SPOCK1: variants seen among roughly 807,000 people sequenced by gnomAD.
The protein encoded by SPOCK1 is testican-1.
A neutral mutation model predicts 55.3 loss-of-function variants in SPOCK1; 23 were observed. The ratio of observed to expected loss-of-function variants is 0.42; its 90% CI spans 0.30 to 0.59. SPOCK1 has a LOEUF of 0.59. SPOCK1 is among the 20% of genes least tolerant of loss of function. The probability of loss-of-function intolerance (pLI) is 0.22; values close to 1 mark genes in which losing one functional copy is unlikely to be tolerated. For synonymous variants in SPOCK1, 226 were observed against 221.0 expected, an observed-to-expected ratio of 1.02 and a Z score of -0.20; for missense variants, 499 against 552.5, an observed-to-expected ratio of 0.90 and a Z score of 0.97.
At chr5:137,251,180 G>T (rs556301186) in intron 3 of SPOCK1, among the ~76,000 whole-genome samples, 1 of 152,144 alleles carries the variant, frequency 6.6e-6, no homozygotes, top group Non-Finnish European at 1.5e-5. Flanking sequence ...TGAGGGCCAC[G>T]CACTGCAAAC....
At chr5:137,301,636 C>CTTTTTTTTTTT (rs34828127) in intron 2 of SPOCK1, among the ~76,000 whole-genome samples, 2 of 129,798 alleles carry the variant, frequency 1.5e-5, no homozygotes, top group African/African-American at 5.9e-5. Flanking sequence ...ATTTCGTCTC[C>CTTTTTTTTTTT]TTTTTTTTTT....
At position 137,450,120 on chromosome 5, in the gene SPOCK1, T is replaced by C. The variant is rs553306479; in HGVS notation, c.186+48253A>G. Among the ~76,000 whole-genome samples, 4 of 152,260 alleles carry C rather than the reference T, an allele frequency of 2.6e-5. No individual in the cohort carries two copies. In the East Asian group the frequency reaches 7.7e-4, roughly 29 times the overall value. On this transcript the variant is annotated intron_variant, in intron 2 of 10. Coordinates refer to ENST00000394945, the MANE Select transcript of SPOCK1 (RefSeq NM_004598.4). ...AAAAGCCCAGGGAATCTTCAAGCTATAGCCTTGGGGGAGTGAGATGTTGAG... is the reference window on the plus strand; with the variant it reads ...AAAAGCCCAGGGAATCTTCAAGCTACAGCCTTGGGGGAGTGAGATGTTGAG...
intron 2 of SPOCK1, among the ~76,000 whole-genome samples, chr5:137,348,390 C>T (rs952098019): frequency 6.8e-6 from 1 of 147,528 alleles, no homozygotes; most frequent in South Asian, 2.2e-4. Flanking sequence ...AAGTGCATGA[C>T]CAAAATGGAA....
intron 4 of SPOCK1, among the ~76,000 whole-genome samples, chr5:137,129,304 C>G (rs1753831704): frequency 6.6e-6 from 1 of 152,228 alleles, no homozygotes; most frequent in African/African-American, 2.4e-5. Context: ...TTCCTCTCCT[C>G]TCTGCCTTGC....
chr5:137,020,731 C>T (rs925376135), intron 6 of SPOCK1, among the ~76,000 whole-genome samples: 5 of 151,320 alleles, frequency 3.3e-5, no homozygotes, highest in African/African-American at 1.2e-4. Context: ...AAAAGACAAC[C>T]CAATACAAAA....
chr5:137,054,259 C>T (rs1282107007), intron 6 of SPOCK1, among the ~76,000 whole-genome samples: 1 of 152,150 alleles, frequency 6.6e-6, no homozygotes, highest in Non-Finnish European at 1.5e-5. Flanking sequence ...TGCCCAAAGC[C>T]ACATAGCTAG....
At chr5:137,090,069 C>T (rs569123321) in intron 5 of SPOCK1, among the ~76,000 whole-genome samples, 3 of 152,202 alleles carry the variant, frequency 2.0e-5, no homozygotes, top group Middle Eastern at 3.4e-3. Flanking sequence ...CATGGAGATA[C>T]GGAATCAACT....
intron 2 of SPOCK1, among the ~76,000 whole-genome samples, chr5:137,283,307 G>A (rs370420231): frequency 3.3e-5 from 5 of 152,292 alleles, no homozygotes; most frequent in African/African-American, 1.2e-4. Context: ...TCACTCACAT[G>A]TTATAAGTGA....
intron 6 of SPOCK1, among the ~76,000 whole-genome samples, chr5:137,003,955 C>G (rs1348706440): frequency 6.6e-6 from 1 of 152,120 alleles, no homozygotes; most frequent in Non-Finnish European, 1.5e-5. Flanking sequence ...TGGGGAGGAT[C>G]AGGCATAGAC....
chr5:137,335,856 A>G (rs1290772176), intron 2 of SPOCK1, among the ~76,000 whole-genome samples: 2 of 152,236 alleles, frequency 1.3e-5, no homozygotes, highest in Non-Finnish European at 2.9e-5. Flanking sequence ...ACTGAACTAC[A>G]TTATAAAGCA....
chr5:137,214,926 C>A (rs982784649), intron 3 of SPOCK1, among the ~76,000 whole-genome samples: 6 of 152,108 alleles, frequency 3.9e-5, no homozygotes, highest in Admixed American at 3.9e-4. Context: ...CTCAATGTAA[C>A]CATTACAAGG....
intron 2 of SPOCK1, among the ~76,000 whole-genome samples, chr5:137,409,568 G>T (rs570690567): frequency 2.0e-5 from 3 of 152,182 alleles, no homozygotes; most frequent in Non-Finnish European, 4.4e-5. Context: ...TCCTAGGGTT[G>T]CCCATAAGGA....
At chr5:137,078,866 A>T (rs1752824972) in intron 5 of SPOCK1, among the ~76,000 whole-genome samples, 1 of 152,180 alleles carries the variant, frequency 6.6e-6, no homozygotes, top group Non-Finnish European at 1.5e-5. Flanking sequence ...ACCCTACCCC[A>T]GCTTACAACC....
At chr5:137,410,992 C>T (rs1426494512) in intron 2 of SPOCK1, among the ~76,000 whole-genome samples, 1 of 152,200 alleles carries the variant, frequency 6.6e-6, no homozygotes, top group Non-Finnish European at 1.5e-5. Flanking sequence ...TAGATAAACT[C>T]CAGAAGCAAG....
intron 2 of SPOCK1, among the ~76,000 whole-genome samples, chr5:137,290,917 G>A (rs149730464): frequency 2.6e-5 from 4 of 152,286 alleles, no homozygotes; most frequent in East Asian, 1.9e-4. Flanking sequence ...CATATTGATC[G>A]CTTACTAAGT....
intron 2 of SPOCK1, among the ~76,000 whole-genome samples, chr5:137,274,936 G>A (rs1757033558): frequency 6.6e-6 from 1 of 152,178 alleles, no homozygotes; most frequent in Non-Finnish European, 1.5e-5. Context: ...TTTGTGCATT[G>A]AGTGTGGCAT....
chr5:137,000,861 C>T (rs1356129445), intron 6 of SPOCK1, among the ~76,000 whole-genome samples: 1 of 151,996 alleles, frequency 6.6e-6, no homozygotes, highest in Non-Finnish European at 1.5e-5. Flanking sequence ...ATGGTGAAAC[C>T]CCATCTCTAC....
At chr5:137,249,979 G>C (rs1419925869) in intron 3 of SPOCK1, among the ~76,000 whole-genome samples, 3 of 152,180 alleles carry the variant, frequency 2.0e-5, no homozygotes, top group Non-Finnish European at 4.4e-5. Context: ...GATTCCAGGT[G>C]ACTGTAAATC....
intron 6 of SPOCK1, among the ~76,000 whole-genome samples, chr5:137,014,816 T>C (rs1335570049): frequency 2.0e-5 from 3 of 152,176 alleles, no homozygotes; most frequent in Non-Finnish European, 4.4e-5. Flanking sequence ...TTTTTTAATC[T>C]TGTGTAATGA....
Sources: gnomAD v4.1 joint callset for allele counts (sites outside exome capture counted in the v4.1 genomes callset) on GRCh38, gnomAD v4.1.1 for gene constraint, MANE v1.5 for transcripts, NCBI Gene and HGNC (gene_info 2026-07-23, HGNC 2026-07-21) for gene names.